Variants in CSMD1 observed in about 807,000 individuals in gnomAD.
The protein encoded by CSMD1 is CUB and sushi domain-containing protein 1.
Under a neutral mutation model 417.5 loss-of-function variants are expected in CSMD1, and 213 were observed. The observed-to-expected ratio is 0.51, with a 90% confidence interval of 0.46 to 0.57. The LOEUF (loss-of-function observed/expected upper bound fraction) is 0.57, where lower values mean the gene tolerates loss of function less well. Ranked by LOEUF, CSMD1 falls within the 20% of genes least tolerant of loss-of-function variation. CSMD1 has a pLI of 0.00. For missense variants in CSMD1, 6,923 were observed against 4,529.7 expected (o/e 1.53, Z -15.17); for synonymous variants, 2,862 against 1,736.8 (o/e 1.65, Z -16.11).
chr8:3,638,377 G>C lies in CSMD1; in HGVS notation c.1010-21580C>G, dbSNP rs184864863. ...GTGTGTCCCAAGAGGCTGTAGCCAG[G>C]TATCAGTTATTGGTTTGATGCTGAG... On this transcript the variant is annotated intron_variant, in intron 7 of 69. Transcript: ENST00000635120. Among the ~76,000 whole-genome samples, 8 of 152,022 alleles carry C rather than the reference G, an allele frequency of 5.3e-5. No individual in the cohort carries two copies. In the East Asian group the frequency reaches 1.5e-3, roughly 29 times the overall value.
intron 2 of CSMD1, among the ~76,000 whole-genome samples, chr8:4,627,666 G>C (rs1006302781): frequency 3.3e-5 from 5 of 152,054 alleles, no homozygotes; most frequent in African/African-American, 1.2e-4. Flanking sequence ...GGTCACTCCA[G>C]CTGCTCCGGG....
intron 2 of CSMD1, among the ~76,000 whole-genome samples, chr8:4,521,961 G>T (rs1361831179): frequency 2.0e-5 from 3 of 152,142 alleles, no homozygotes; most frequent in African/African-American, 7.2e-5. Context: ...TTCCCAGATA[G>T]CCTGCCTTTT....
intron 10 of CSMD1, among the ~76,000 whole-genome samples, chr8:3,530,780 T>G (rs34375859): frequency 2.0e-5 from 3 of 151,110 alleles, no homozygotes; most frequent in South Asian, 2.1e-4. Context: ...TCTCCTGCCT[T>G]GGCCTCCCAA....
At chr8:3,315,542 G>T (rs536424084) in intron 23 of CSMD1, among the ~76,000 whole-genome samples, 1 of 151,596 alleles carries the variant, frequency 6.6e-6, no homozygotes, top group East Asian at 1.9e-4. Context: ...CCTCTTGTTA[G>T]CTACTATTTT....
chr8:3,013,225 A>T (rs1319796471), intron 52 of CSMD1, among the ~76,000 whole-genome samples: 1 of 152,164 alleles, frequency 6.6e-6, no homozygotes, highest in Non-Finnish European at 1.5e-5. Context: ...TTGTCTTGGC[A>T]GATATATGCA....
chr8:3,175,197 A>G (rs1440102316), intron 37 of CSMD1, among the ~76,000 whole-genome samples: 3 of 152,246 alleles, frequency 2.0e-5, no homozygotes, highest in Admixed American at 2.0e-4. Flanking sequence ...ACATTCAACT[A>G]TACTAAAAAT....
At chr8:4,978,902 C>T (rs2117418529) in intron 1 of CSMD1, among the ~76,000 whole-genome samples, 1 of 152,312 alleles carries the variant, frequency 6.6e-6, no homozygotes, top group East Asian at 1.9e-4. Context: ...TGTGCCACTG[C>T]ACTCCAGCCT....
At chr8:3,043,542 G>A (rs1811247559) in intron 50 of CSMD1, among the ~76,000 whole-genome samples, 5 of 152,034 alleles carry the variant, frequency 3.3e-5, no homozygotes. Flanking sequence ...AAGTCCTCAT[G>A]GTGCCCAGCA....
At chr8:4,660,453 T>G (rs570188653) in intron 1 of CSMD1, among the ~76,000 whole-genome samples, 26 of 152,016 alleles carry the variant, frequency 1.7e-4, no homozygotes, top group Non-Finnish European at 3.4e-4. Context: ...GATCCCAAAA[T>G]TGACACACAG....
intron 2 of CSMD1, among the ~76,000 whole-genome samples, chr8:4,530,453 C>G (rs982474168): frequency 6.7e-6 from 1 of 150,302 alleles, no homozygotes; most frequent in Non-Finnish European, 1.5e-5. Flanking sequence ...GTTTTAATCC[C>G]CACATGCATT....
rs562789667 is a variant in CSMD1 at position 3,033,819 on chromosome 8, C to T, written c.7661-4306G>A. Among the ~76,000 whole-genome samples, 13 of 152,280 alleles carry T rather than the reference C, an allele frequency of 8.5e-5. No individual in the cohort carries two copies. In the South Asian group the frequency reaches 1.0e-3, roughly 12 times the overall value. On this transcript the variant is annotated intron_variant, in intron 50 of 69. Transcript: ENST00000635120. Reference sequence around the variant, plus strand: ...AAAAATAAATAAACAAATTTGGCTTCGAGTTACCTTTACACCTTGAATTCC... The same window carrying T: ...AAAAATAAATAAACAAATTTGGCTTTGAGTTACCTTTACACCTTGAATTCC...
At chr8:3,195,186 G>A (rs1796636509) in intron 33 of CSMD1, among the ~76,000 whole-genome samples, 1 of 152,136 alleles carries the variant, frequency 6.6e-6, no homozygotes, top group Non-Finnish European at 1.5e-5. Flanking sequence ...TAGCATGGAT[G>A]AGGTACTCTC....
At chr8:4,904,345 G>A (rs918484315) in intron 1 of CSMD1, among the ~76,000 whole-genome samples, 1 of 152,156 alleles carries the variant, frequency 6.6e-6, no homozygotes. Flanking sequence ...GAGTATTTAT[G>A]CCTACAGCAT....
intron 1 of CSMD1, among the ~76,000 whole-genome samples, chr8:4,812,513 T>A (rs1798966077): frequency 1.3e-5 from 2 of 152,152 alleles, no homozygotes; most frequent in Admixed American, 1.3e-4. Context: ...CCAAATTTGA[T>A]CATTATACAT....
chr8:4,709,834 C>T lies in CSMD1; in HGVS notation c.86-72276G>A, dbSNP rs115650235. Reference sequence around the variant, plus strand: ...AAGAGCACAGTGTCCAGTCGTCCCGCAGAGTAAAATACACATGAAATCAAC... The same window carrying T: ...AAGAGCACAGTGTCCAGTCGTCCCGTAGAGTAAAATACACATGAAATCAAC... On this transcript the variant is annotated intron_variant, in intron 1 of 69. Transcript: ENST00000635120. Among the ~76,000 whole-genome samples the T allele has an allele frequency of 2.7e-3, 407 of 152,094 alleles. 4 individuals carry two copies. Among genetic ancestry groups the T allele is most frequent in the African/African-American group, 9.4e-3 (392 of 41,506 alleles).
chr8:3,914,408 A>C (rs891894486), intron 5 of CSMD1, among the ~76,000 whole-genome samples: 1 of 152,146 alleles, frequency 6.6e-6, no homozygotes, highest in African/African-American at 2.4e-5. Context: ...TGTTTGGTGC[A>C]AGAAAGGAGA....
At chr8:3,801,011 A>G (rs1296649167) in intron 5 of CSMD1, among the ~76,000 whole-genome samples, 1 of 152,212 alleles carries the variant, frequency 6.6e-6, no homozygotes. Flanking sequence ...AATCATAAAA[A>G]TATTTGAAAA....
intron 5 of CSMD1, among the ~76,000 whole-genome samples, chr8:3,799,430 T>C (rs1193118394): frequency 5.4e-4 from 66 of 121,226 alleles, no homozygotes; most frequent in South Asian, 3.0e-4. Flanking sequence ...TAGTGTGTGA[T>C]GTTCCCCTTC....
chr8:4,696,186 A>T (rs940575024), intron 1 of CSMD1, among the ~76,000 whole-genome samples: 1 of 152,356 alleles, frequency 6.6e-6, no homozygotes, highest in South Asian at 2.1e-4. Context: ...GCCAGTGCAC[A>T]TGTATGCATA....
Sources: gnomAD v4.1 joint callset for allele counts (sites outside exome capture counted in the v4.1 genomes callset) on GRCh38, gnomAD v4.1.1 for gene constraint, MANE v1.5 for transcripts, NCBI Gene and HGNC (gene_info 2026-07-23, HGNC 2026-07-21) for gene names.